ARK2C: variants seen among roughly 807,000 people sequenced by gnomAD.
ARK2C encodes E3 ubiquitin-protein ligase ARK2C.
chr18:46,338,799 A>G, the ARK2C span, among the ~76,000 whole-genome samples: 1 of 152,194 alleles, frequency 6.6e-6, no homozygotes, highest in Non-Finnish European at 1.5e-5. Flanking sequence ...TGGTTCTTTC[A>G]AAGGGTCATC....
chr18:46,400,628 A>G, the ARK2C span, among the ~76,000 whole-genome samples: 4 of 152,140 alleles, frequency 2.6e-5, no homozygotes, highest in African/African-American at 4.8e-5. Context: ...CCATTCTCAC[A>G]GGTCTCCATC....
the ARK2C span, among the ~76,000 whole-genome samples, chr18:46,440,440 A>C: frequency 6.6e-6 from 1 of 152,358 alleles, no homozygotes; most frequent in South Asian, 2.1e-4. Flanking sequence ...GAAACATAGT[A>C]TATATAGGAT....
chr18:46,456,859 G>C, the ARK2C span: 1 of 530,558 alleles, frequency 1.9e-6, no homozygotes, highest in Non-Finnish European at 3.4e-6. Flanking sequence ...GCCTGGCTGA[G>C]CAGGAGAGAG....
the ARK2C span, chr18:46,447,465 C>T: frequency 7.5e-7 from 1 of 1,334,166 alleles, no homozygotes; most frequent in Non-Finnish European, 1.1e-6. Context: ...GGCAGGGTGT[C>T]ACTCCAATTC....
the ARK2C span, among the ~76,000 whole-genome samples, chr18:46,380,972 TCA>T: frequency 6.6e-6 from 1 of 152,306 alleles, no homozygotes; most frequent in East Asian, 1.9e-4. Flanking sequence ...AGCACATTTG[TCA>T]CAGAGAGCAC....
At chr18:46,407,486 A>G in the ARK2C span, among the ~76,000 whole-genome samples, 1 of 152,130 alleles carries the variant, frequency 6.6e-6, no homozygotes, top group Admixed American at 6.5e-5. Context: ...CTATCACCCG[A>G]CAGGACAGTG....
chr18:46,390,563 A>AG, the ARK2C span, among the ~76,000 whole-genome samples: 4 of 152,158 alleles, frequency 2.6e-5, no homozygotes, highest in Non-Finnish European at 5.9e-5. Context: ...GTGGAGTTCC[A>AG]GCTTTGTGTG....
the ARK2C span, among the ~76,000 whole-genome samples, chr18:46,394,743 C>T: frequency 6.6e-6 from 1 of 152,248 alleles, no homozygotes; most frequent in Admixed American, 6.5e-5. Flanking sequence ...ATGTCCACAC[C>T]ACTGTTCAAG....
chr18:46,418,216 G>T, the ARK2C span, among the ~76,000 whole-genome samples: 1 of 152,058 alleles, frequency 6.6e-6, no homozygotes, highest in Non-Finnish European at 1.5e-5. Context: ...AATTAGCTTT[G>T]TGTGGTCGCA....
the ARK2C span, among the ~76,000 whole-genome samples, chr18:46,442,200 C>T: frequency 2.0e-5 from 3 of 151,952 alleles, no homozygotes; most frequent in Admixed American, 1.3e-4. Context: ...GCCTTTGATC[C>T]CATTACTTGT....
chr18:46,375,690 C>T, the ARK2C span, among the ~76,000 whole-genome samples: 2 of 152,042 alleles, frequency 1.3e-5, no homozygotes, highest in Admixed American at 6.6e-5. Context: ...TGGGAGTTCT[C>T]TTGTTCCCAG....
At chr18:46,445,689 C>A in the ARK2C span, among the ~76,000 whole-genome samples, 80 of 152,294 alleles carry the variant, frequency 5.3e-4, no homozygotes, top group African/African-American at 1.8e-3. Context: ...CTGGAATGTG[C>A]CTTCATGCAA....
At chr18:46,405,810 T>G in the ARK2C span, among the ~76,000 whole-genome samples, 4 of 152,068 alleles carry the variant, frequency 2.6e-5, no homozygotes, top group Non-Finnish European at 4.4e-5. Flanking sequence ...TGAGAGGTTC[T>G]TAAGGTTTGG....
the ARK2C span, among the ~76,000 whole-genome samples, chr18:46,421,090 G>T: frequency 6.6e-6 from 1 of 152,316 alleles, no homozygotes; most frequent in African/African-American, 2.4e-5. Flanking sequence ...TCTGTTAGTT[G>T]ATTGTGATGC....
the ARK2C span, among the ~76,000 whole-genome samples, chr18:46,443,497 C>T: frequency 6.6e-6 from 1 of 152,158 alleles, no homozygotes; most frequent in Non-Finnish European, 1.5e-5. Context: ...TATGTATGTA[C>T]AATTACCAAA....
At chr18:46,393,606 G>C in the ARK2C span, among the ~76,000 whole-genome samples, 1 of 152,092 alleles carries the variant, frequency 6.6e-6, no homozygotes, top group South Asian at 2.1e-4. Flanking sequence ...TAAGGTCTTA[G>C]ACCACTAAGG....
chr18:46,413,869 G>T, the ARK2C span, among the ~76,000 whole-genome samples: 4 of 152,126 alleles, frequency 2.6e-5, no homozygotes, highest in Non-Finnish European at 5.9e-5. Context: ...CTCATGGGGA[G>T]CCTTGTTGTT....
At chr18:46,341,305 G>A in the ARK2C span, among the ~76,000 whole-genome samples, 2 of 134,512 alleles carry the variant, frequency 1.5e-5, no homozygotes, top group Non-Finnish European at 3.2e-5. Flanking sequence ...TGGGGCTAAG[G>A]GCTGAGGTCA....
chr18:46,340,019 G>A, the ARK2C span, among the ~76,000 whole-genome samples: 5 of 152,210 alleles, frequency 3.3e-5, no homozygotes, highest in Non-Finnish European at 5.9e-5. Context: ...GCAAAGGGCA[G>A]GAGACGACAG....
Sources: allele counts gnomAD v4.1 joint callset (sites outside exome capture counted in the v4.1 genomes callset), GRCh38; gene constraint gnomAD v4.1.1; transcripts MANE v1.5; gene names NCBI Gene and HGNC (gene_info 2026-07-23, HGNC 2026-07-21).